CENPE: variants seen among roughly 807,000 people sequenced by gnomAD.
CENPE encodes centromere protein E.
A neutral mutation model predicts 336.1 loss-of-function variants in CENPE; 145 were observed. The observed-to-expected ratio is 0.43, with a 90% CI of 0.38 to 0.50. CENPE has a LOEUF of 0.50. Among genes scored for constraint, CENPE ranks in the 20% least tolerant of loss-of-function variants. The pLI is 0.00. For synonymous variants in CENPE, 1,013 were observed against 984.8 expected (o/e 1.03, Z -0.54); for missense variants, 2,719 against 3,023.3 (o/e 0.90, Z 2.36).
chr4:103,146,139 A>G, intron 29 of CENPE, 32 bp from the exon 30 acceptor site: 1 of 1,580,420 alleles, frequency 6.3e-7, no homozygotes, highest in Middle Eastern at 1.7e-4. Flanking sequence ...TACAGTTGAT[A>G]TCCAGAGATA....
rs1037320298 is a variant in CENPE at position 103,110,962 on chromosome 4, A to G, written c.7590T>C (p.Cys2530=). The change falls in exon 47 of 49, where the codon TGT becomes TGC. Residue 2530 remains cysteine (C), a synonymous_variant. Coordinates refer to ENST00000265148, the MANE Select transcript of CENPE (RefSeq NM_001813.3). ...DPQPSNKPLT[C]GGGSGIVQNT... ...TTTGTACAATGCCGCTGCCACCTCCACAAGTTAAGGGTTTATTTGAAGGCT... is the reference window on the plus strand; with the variant it reads ...TTTGTACAATGCCGCTGCCACCTCCGCAAGTTAAGGGTTTATTTGAAGGCT... 1 of 1,611,896 alleles carries G rather than the reference A, an allele frequency of 6.2e-7. No homozygotes were observed. Among genetic ancestry groups the G allele is most frequent in the Non-Finnish European group, 8.5e-7 (1 of 1,178,968 alleles).
chr4:103,114,338 T>C (rs1749885053), intron 46 of CENPE, 117 bp downstream of exon 46: 4 of 593,644 alleles, frequency 6.7e-6, no homozygotes, highest in Non-Finnish European at 1.2e-5. Flanking sequence ...AAAAATAGAT[T>C]AGTGGCCAAC....
chr4:103,146,840 A>G (rs998420198), intron 29 of CENPE, among the ~76,000 whole-genome samples: 8 of 152,346 alleles, frequency 5.3e-5, no homozygotes, highest in Non-Finnish European at 1.2e-4. Flanking sequence ...AGGGAAAGAA[A>G]TGATGTTGAC....
Position 103,108,852 on chromosome 4 carries a change from T to C in CENPE, c.7962A>G (p.Ser2654=). ...TATCAAAATAGCGAACTGGATGAGG[T>C]GATGGTAAAGACTTTGATCGGCTAT... ...FFDSRSKSLP[S]PHPVRYFDNS... is the part of the protein sequence containing the mutation. Residue 2654 remains serine, a synonymous_variant, in exon 48 of 49, where the codon TCA becomes TCG. Transcript: ENST00000265148. The C allele has an allele frequency of 6.2e-7, 1 of 1,613,846 alleles. No homozygotes were observed. Among genetic ancestry groups the C allele is most frequent in the Non-Finnish European group, 8.5e-7 (1 of 1,179,840 alleles).
At chr4:103,168,596 C>T (rs949783352) in intron 16 of CENPE, among the ~76,000 whole-genome samples, 13 of 152,202 alleles carry the variant, frequency 8.5e-5, no homozygotes, top group African/African-American at 1.7e-4. Context: ...TTTCTCCTAG[C>T]GATAGTCTGA....
At chr4:103,171,989 A>G (rs1485295260) in intron 16 of CENPE, among the ~76,000 whole-genome samples, 1 of 152,016 alleles carries the variant, frequency 6.6e-6, no homozygotes, top group African/African-American at 2.4e-5. Context: ...GTCTCCTATC[A>G]AAGAAAGGCC....
At chr4:103,161,564 A>T in intron 18 of CENPE, 107 bp from the exon 19 acceptor site, 1 of 914,574 alleles carries the variant, frequency 1.1e-6, no homozygotes, top group Non-Finnish European at 1.5e-6. Context: ...CAAAAAGCGT[A>T]CAAATATGCT....
At position 103,195,970 on chromosome 4, in the gene CENPE, A is replaced by G. The variant is rs750724659; in HGVS notation, c.307T>C (p.Leu103=). Residue 103 remains leucine, a synonymous_variant, in exon 4 of 49, where the codon TTG becomes CTG. Transcript: ENST00000265148. ...TYTMMGSEDH[L]GVIPRAIHDI... Reference sequence around the variant, plus strand: ...TGAATTGCCCTGGGTATAACTCCCAAATGATCTTCTGAACCCATCATGGTA... The same window carrying G: ...TGAATTGCCCTGGGTATAACTCCCAGATGATCTTCTGAACCCATCATGGTA... 42 of 1,613,758 alleles carry G rather than the reference A, an allele frequency of 2.6e-5. No homozygotes were observed. The highest frequency in any genetic ancestry group is 3.5e-5 in the Non-Finnish European group (41 of 1,179,810).
intron 42 of CENPE, among the ~76,000 whole-genome samples, chr4:103,128,726 C>T (rs578043872): frequency 1.6e-4 from 25 of 152,140 alleles, no homozygotes; most frequent in Non-Finnish European, 2.6e-4. Context: ...GCAGTAAAAG[C>T]AGTGTTTAGA....
intron 8 of CENPE, among the ~76,000 whole-genome samples, chr4:103,193,692 T>C (rs1441900780): frequency 2.0e-5 from 3 of 152,134 alleles, no homozygotes; most frequent in Non-Finnish European, 4.4e-5. Flanking sequence ...GTATAATGTG[T>C]TGGGGCTACC....
At chr4:103,131,784 T>C (rs1412508105) in intron 42 of CENPE, among the ~76,000 whole-genome samples, 1 of 152,080 alleles carries the variant, frequency 6.6e-6, no homozygotes, top group Non-Finnish European at 1.5e-5. Context: ...AAATAAGCTA[T>C]GAAACCATGA....
In CENPE at chr4:103,136,365, G is replaced by A. The variant is rs1355980679; in HGVS notation, c.6304-6C>T. 7 of 1,584,724 alleles carry A rather than the reference G, an allele frequency of 4.4e-6. No individual in the cohort carries two copies. Among genetic ancestry groups the A allele is most frequent in the Non-Finnish European group, 6.0e-6 (7 of 1,161,160 alleles). ...GAGTATCTCTTCAAAAGCTCCTAAA[G>A]GAAATGAGAATTCACTCAATTTATA... On this transcript the variant is annotated splice_polypyrimidine_tract_variant and splice_region_variant and intron_variant, in intron 39 of 48. Coordinates refer to ENST00000265148, the MANE Select transcript of CENPE (RefSeq NM_001813.3).
rs1750765707 is a variant in CENPE, at chr4:103,122,929, G to C, written c.7085C>G (p.Thr2362Ser). The change falls in exon 43 of 49, where the codon ACC becomes AGC. Residue 2362 changes from threonine (T) to serine (S), a missense_variant. Thr to Ser is a moderately conservative substitution (Grantham distance 58). This residue lies in a region of CENPE where 2,437 missense variants were observed against 2,513.3 expected (regional missense o/e 0.97). Transcript: ENST00000265148. ...SLASGAQVNP[T>S]TQDNKNPHVT... ...ATGAGGATTCTTATTGTCTTGTGTGGTAGGATTAACCTGGGCACCAGATGC... is the reference window on the plus strand; with the variant it reads ...ATGAGGATTCTTATTGTCTTGTGTGCTAGGATTAACCTGGGCACCAGATGC... 1 of 1,613,788 alleles carries C rather than the reference G, an allele frequency of 6.2e-7. No individual in the cohort carries two copies. Among genetic ancestry groups the C allele is most frequent in the African/African-American group, 1.3e-5 (1 of 74,924 alleles).
intron 8 of CENPE, among the ~76,000 whole-genome samples, chr4:103,192,365 T>G (rs1054565692): frequency 6.6e-6 from 1 of 152,162 alleles, no homozygotes; most frequent in African/African-American, 2.4e-5. Context: ...GAGGAGTTCA[T>G]GTAGAGCAGA....
chr4:103,140,948 C>A lies in CENPE; in HGVS notation c.5620G>T (p.Ala1874Ser). 6.2e-7 allele frequency: 1 copy of A among 1,612,390 alleles called. No individual in the cohort carries two copies. The highest frequency in any genetic ancestry group is 2.2e-5 in the East Asian group (1 of 44,814). The change falls in exon 36 of 49, where the codon GCT (alanine) becomes TCT (serine). Residue 1874 changes from alanine to serine, a missense_variant. Physicochemically the swap from Ala to Ser is moderately conservative, Grantham distance 99. Around this residue, in one of 5 missense-constraint regions of CENPE, gnomAD observed 2,437 missense variants for 2,513.3 expected, o/e 0.97. Transcript: ENST00000265148. ...TCAAGGTTTTCATGAAGTTTCTGAG[C>A]CAAATTTAAATTCTCTATTTCTAAT... The part of the protein sequence containing the change: ...SKLEIENLNL[A>S]QKLHENLEEM...
intron 16 of CENPE, among the ~76,000 whole-genome samples, chr4:103,166,298 C>T (rs562629659): frequency 3.2e-4 from 49 of 152,246 alleles, no homozygotes; most frequent in Middle Eastern, 3.4e-3. Flanking sequence ...AGGATTGGAT[C>T]TGCGGTAAGT....
At chr4:103,147,232 T>A (rs1043897538) in intron 29 of CENPE, 124 bp downstream of exon 29, 1 of 780,240 alleles carries the variant, frequency 1.3e-6, no homozygotes, top group South Asian at 2.1e-5. Context: ...AGTCATTTCA[T>A]GATTAAGAGA....
At chr4:103,183,833 G>A (rs1410703980) in intron 9 of CENPE, among the ~76,000 whole-genome samples, 1 of 152,018 alleles carries the variant, frequency 6.6e-6, no homozygotes, top group Non-Finnish European at 1.5e-5. Context: ...AAGTTCGTAT[G>A]TATTTATTTC....
At position 103,145,340 on chromosome 4, in the gene CENPE, A is replaced by G; in HGVS notation, c.4573-6T>C. 1 of 1,490,826 alleles carries G rather than the reference A, an allele frequency of 6.7e-7. No homozygotes were observed. 92.3% of individuals were successfully genotyped at this position (1,490,826 alleles called of 1,614,324 possible). On this transcript the variant is annotated splice_polypyrimidine_tract_variant and splice_region_variant and intron_variant, in intron 31 of 48. Coordinates refer to ENST00000265148, the MANE Select transcript of CENPE (RefSeq NM_001813.3). ...TTCTCATAAATCTCTTGGATCTTAA[A>G]CATAATTATAAAATAAGTTAATAGT... is the stretch of plus-strand genomic sequence containing the variant.
Sources: gnomAD v4.1 joint callset for allele counts (sites outside exome capture counted in the v4.1 genomes callset) on GRCh38, gnomAD v4.1.1 for gene constraint, gnomAD v4.1.1 regional missense constraint, MANE v1.5 for transcripts, NCBI Gene and HGNC (gene_info 2026-07-23, HGNC 2026-07-21) for gene names.